MACROD2: variants seen among roughly 807,000 people sequenced by gnomAD.
MACROD2 encodes ADP-ribose glycohydrolase MACROD2.
In MACROD2, 36 loss-of-function variants were observed where a neutral mutation model predicts 70.4. The observed-to-expected ratio is 0.51, with a 90% CI of 0.39 to 0.68. The LOEUF (loss-of-function observed/expected upper bound fraction) is 0.68. MACROD2 is among the 30% of genes least tolerant of loss of function. The pLI is 0.00. For synonymous variants in MACROD2, 172 were observed against 178.8 expected (o/e 0.96, Z 0.30); for missense variants, 496 against 538.4 (o/e 0.92, Z 0.78).
rs573341107 is a variant in MACROD2 at position 15,595,390 on chromosome 20, T to C, written c.645+95543T>C. Among the ~76,000 whole-genome samples, 5 of 152,324 alleles carry C rather than the reference T, an allele frequency of 3.3e-5. No individual in the cohort carries two copies. In the East Asian group the frequency reaches 7.7e-4, roughly 23 times the overall value. On this transcript the variant is annotated intron_variant, in intron 8 of 17. Coordinates refer to ENST00000684519, the MANE Select transcript of MACROD2 (RefSeq NM_001351661.2). ...ACTTTATGGAAAGTAATTAGCAATG[T>C]ATGATGAGCCTTAAGAATGTCCATT... is the stretch of plus-strand genomic sequence containing the variant.
chr20:14,759,566 A>G (rs2071987236), intron 5 of MACROD2, among the ~76,000 whole-genome samples: 1 of 152,148 alleles, frequency 6.6e-6, no homozygotes, highest in African/African-American at 2.4e-5. Flanking sequence ...CAGCTAGGTT[A>G]GCCCATAAAA....
intron 8 of MACROD2, among the ~76,000 whole-genome samples, chr20:15,724,595 A>T (rs2050834649): frequency 6.6e-6 from 1 of 152,050 alleles, no homozygotes; most frequent in Non-Finnish European, 1.5e-5. Context: ...AGTTGATTAT[A>T]TTTATGTGCA....
At chr20:15,987,287 C>A in intron 15 of MACROD2, 129 bp downstream of exon 15, 1 of 709,590 alleles carries the variant, frequency 1.4e-6, no homozygotes, top group Non-Finnish European at 2.3e-6. Context: ...ATTTCCTTAA[C>A]CCCAAATCTC....
At chr20:14,630,227 G>A (rs556900352) in intron 4 of MACROD2, among the ~76,000 whole-genome samples, 12 of 152,188 alleles carry the variant, frequency 7.9e-5, no homozygotes, top group East Asian at 5.8e-4. Flanking sequence ...GGTGTGCTGC[G>A]GAATGTAATT....
At chr20:15,943,852 A>C (rs1293254236) in intron 12 of MACROD2, among the ~76,000 whole-genome samples, 1 of 152,112 alleles carries the variant, frequency 6.6e-6, no homozygotes, top group Non-Finnish European at 1.5e-5. Context: ...TTATTGTAAA[A>C]TATTTTTTAA....
At chr20:15,004,162 C>T (rs1328481380) in intron 5 of MACROD2, among the ~76,000 whole-genome samples, 1 of 152,200 alleles carries the variant, frequency 6.6e-6, no homozygotes, top group Non-Finnish European at 1.5e-5. Context: ...GTGTGGCTGT[C>T]CTCATGTCTA....
At chr20:15,650,985 GTACTGTT>G (rs2146795592) in intron 8 of MACROD2, among the ~76,000 whole-genome samples, 1 of 152,246 alleles carries the variant, frequency 6.6e-6, no homozygotes, top group South Asian at 2.1e-4. Flanking sequence ...CTCTTAGAGG[GTACTGTT>G]TATTACTTTT....
intron 8 of MACROD2, among the ~76,000 whole-genome samples, chr20:15,576,851 A>G (rs1038652155): frequency 6.6e-6 from 1 of 152,192 alleles, no homozygotes; most frequent in Non-Finnish European, 1.5e-5. Context: ...TCTGTACCAC[A>G]TTGTAGTAAC....
chr20:15,792,114 T>C (rs533739034), intron 8 of MACROD2, among the ~76,000 whole-genome samples: 7 of 152,186 alleles, frequency 4.6e-5, no homozygotes, highest in African/African-American at 1.7e-4. Flanking sequence ...TCAGAGGTAA[T>C]ACTGGCATTC....
chr20:15,867,497 A>G (rs1040032679), intron 9 of MACROD2, among the ~76,000 whole-genome samples: 4 of 152,210 alleles, frequency 2.6e-5, no homozygotes, highest in African/African-American at 9.6e-5. Context: ...CAAATAATTT[A>G]TAGTTACAGT....
intron 7 of MACROD2, among the ~76,000 whole-genome samples, chr20:15,455,514 A>G (rs1364016657): frequency 1.3e-5 from 2 of 152,204 alleles, no homozygotes; most frequent in African/African-American, 2.4e-5. Context: ...ATTTATGTAC[A>G]TACCCTTGGG....
intron 15 of MACROD2, among the ~76,000 whole-genome samples, chr20:15,994,633 A>G (rs949913312): frequency 2.6e-5 from 4 of 152,226 alleles, no homozygotes; most frequent in Admixed American, 6.5e-5. Flanking sequence ...GAATTCATAA[A>G]GAATTTAAAA....
chr20:15,919,583 G>T (rs1158313129), intron 10 of MACROD2, among the ~76,000 whole-genome samples: 1 of 151,896 alleles, frequency 6.6e-6, no homozygotes, highest in Non-Finnish European at 1.5e-5. Flanking sequence ...AAAAATACAA[G>T]AAATTAGCGG....
intron 5 of MACROD2, among the ~76,000 whole-genome samples, chr20:14,701,318 A>G (rs1877980629): frequency 6.6e-6 from 1 of 152,094 alleles, no homozygotes. Context: ...CCACCTTTTC[A>G]TTCTATCCTG....
At chr20:14,164,646 G>C (rs1324925797) in intron 3 of MACROD2, among the ~76,000 whole-genome samples, 1 of 152,138 alleles carries the variant, frequency 6.6e-6, no homozygotes, top group African/African-American at 2.4e-5. Context: ...GGTGCCAGCT[G>C]TGGTGGTAGC....
chr20:15,254,833 G>C (rs1601307130), intron 6 of MACROD2, among the ~76,000 whole-genome samples: 1 of 150,230 alleles, frequency 6.7e-6, no homozygotes, highest in Admixed American at 6.7e-5. Flanking sequence ...ATAGAATTCA[G>C]ATCTATCTGA....
intron 3 of MACROD2, among the ~76,000 whole-genome samples, chr20:14,277,811 G>T (rs1239741182): frequency 6.6e-6 from 1 of 152,264 alleles, no homozygotes; most frequent in Non-Finnish European, 1.5e-5. Context: ...GGTAATGTCA[G>T]CCTCCTGCAA....
chr20:15,328,170 A>G, intron 6 of MACROD2, among the ~76,000 whole-genome samples: 1 of 151,932 alleles, frequency 6.6e-6, no homozygotes, highest in East Asian at 1.9e-4. Context: ...AGTTAGATAA[A>G]TTTTTGAGAG....
At chr20:14,384,281 C>T (rs10485772) in intron 3 of MACROD2, among the ~76,000 whole-genome samples, 16,616 of 151,986 alleles carry the variant, frequency 0.11, 1,113 homozygotes, top group East Asian at 0.21. Context: ...CTGAAAAATG[C>T]GGTATCACTT....
Sources: allele counts gnomAD v4.1 joint callset (sites outside exome capture counted in the v4.1 genomes callset), GRCh38; gene constraint gnomAD v4.1.1; transcripts MANE v1.5; gene names NCBI Gene and HGNC (gene_info 2026-07-23, HGNC 2026-07-21).